CDH15: variants seen among roughly 807,000 people sequenced by gnomAD.
The protein encoded by CDH15 is cadherin-15.
Under a neutral mutation model 69.4 loss-of-function variants are expected in CDH15, and 73 were observed. The observed-to-expected ratio is 1.05, with a 90% CI of 0.87 to 1.28. The LOEUF (loss-of-function observed/expected upper bound fraction) is 1.28, where lower values mean the gene tolerates loss of function less well. CDH15 is among the 50% of genes most tolerant of loss of function. CDH15 has a pLI of 0.00. For synonymous variants in CDH15, 624 were observed against 507.7 expected (o/e 1.23, Z -3.08); for missense variants, 1,343 against 1,133.6 (o/e 1.18, Z -2.65).
chr16:89,188,056 C>T (rs912815326), intron 6 of CDH15, 44 bp from the exon 7 acceptor site: 5 of 1,540,954 alleles, frequency 3.2e-6, no homozygotes, highest in South Asian at 1.2e-5. Context: ...CCCATGCTGT[C>T]CCCCCAGCCC....
At position 89,180,287 on chromosome 16, in the gene CDH15, A is replaced by G. The variant is rs1357936946; in HGVS notation, c.289A>G (p.Ile97Val). 4 of 1,611,532 alleles carry G rather than the reference A, an allele frequency of 2.5e-6. No individual in the cohort carries two copies. The highest frequency in any genetic ancestry group is 3.4e-6 in the Non-Finnish European group (4 of 1,179,102). The part of the protein sequence containing the change: ...VDEEPRGVFS[I>V]DKFTGKVFLN... ...TGAGGAGCCCCGGGGCGTCTTCTCT[A>G]TCGACAAGTTCACAGGGAAGGTCTT... Residue 97 changes from isoleucine (I) to valine (V), a missense_variant, in exon 3 of 14, where the codon ATC becomes GTC. Physicochemically the swap from Ile to Val is conservative, Grantham distance 29. Coordinates refer to ENST00000289746, the MANE Select transcript of CDH15 (RefSeq NM_004933.3).
intron 3 of CDH15, among the ~76,000 whole-genome samples, chr16:89,180,987 T>TTTTTTTTTTTTTTTTTTTTG (rs1567771866): frequency 1.3e-5 from 2 of 149,780 alleles, no homozygotes; most frequent in African/African-American, 4.9e-5. Flanking sequence ...TTTTTTTTTT[T>TTTTTTTTTTTTTTTTTTTTG]GAGATGGAGC....
chr16:89,178,350 G>A (rs1253405921), intron 1 of CDH15, among the ~76,000 whole-genome samples: 1 of 152,192 alleles, frequency 6.6e-6, no homozygotes, highest in African/African-American at 2.4e-5. Flanking sequence ...CTTCCCGTGT[G>A]CATTACAAAC....
At chr16:89,172,436 G>C (rs557089890) in intron 1 of CDH15, among the ~76,000 whole-genome samples, 5 of 152,118 alleles carry the variant, frequency 3.3e-5, no homozygotes, top group Non-Finnish European at 7.4e-5. Context: ...GAGCCAGGTC[G>C]CAACACACGG....
At chr16:89,183,182 CA>C (rs112228543) in intron 3 of CDH15, 888 of 176,826 alleles carry the variant, frequency 5.0e-3, no homozygotes, top group East Asian at 0.011. Context: ...AACTCTATCT[CA>C]AAAAAAAAAA....
chr16:89,181,970 G>A (rs1320528933), intron 3 of CDH15, among the ~76,000 whole-genome samples: 1 of 151,016 alleles, frequency 6.6e-6, no homozygotes, highest in East Asian at 1.9e-4. Context: ...AGAAGAAGAG[G>A]AGGAGGAAGA....
chr16:89,180,068 A>G (rs1915341671), intron 2 of CDH15, 132 bp from the exon 3 acceptor site: 6 of 987,016 alleles, frequency 6.1e-6, no homozygotes, highest in African/African-American at 1.6e-5. Context: ...ATTGGGTACC[A>G]GGATCCGTCC....
intron 1 of CDH15, among the ~76,000 whole-genome samples, chr16:89,177,736 G>A (rs75168719): frequency 0.042 from 6,370 of 152,282 alleles, 432 homozygotes; most frequent in African/African-American, 0.14. Context: ...TGACCGGGGA[G>A]CTCGAGGGTG....
Position 89,183,623 on chromosome 16 carries a change from C to G in CDH15, c.433C>G (p.Gln145Glu), listed in dbSNP as rs1915423084. The change falls in exon 4 of 14, where the codon CAG becomes GAG. Residue 145 changes from glutamine (Q) to glutamate (E), a missense_variant. Physicochemically the swap from Gln to Glu is conservative, Grantham distance 29. Coordinates refer to ENST00000289746, the MANE Select transcript of CDH15 (RefSeq NM_004933.3). ...PTDLEIVVVD[Q>E]NDNRPAFLQE... ...GGACCTGGAGATTGTAGTTGTGGAT[C>G]AGAATGACAACCGGCCAGCCTTCCT... 6.2e-7 allele frequency: 1 copy of G among 1,614,078 alleles called. No individual in the cohort carries two copies. The highest frequency in any genetic ancestry group is 1.3e-5 in the African/African-American group (1 of 75,046).
intron 7 of CDH15, among the ~76,000 whole-genome samples, chr16:89,189,007 C>A (rs1567775125): frequency 7.1e-6 from 1 of 140,174 alleles, no homozygotes; most frequent in Admixed American, 7.2e-5. Flanking sequence ...ACACAGATGC[C>A]CACACACAGG....
At chr16:89,177,123 T>G (rs1422544529) in intron 1 of CDH15, among the ~76,000 whole-genome samples, 2 of 141,146 alleles carry the variant, frequency 1.4e-5, no homozygotes, top group African/African-American at 2.5e-5. Flanking sequence ...CATCTTCCTC[T>G]GTAGCCCCTG....
chr16:89,191,868 G>A lies in CDH15; in HGVS notation c.1589G>A (p.Arg530Gln), dbSNP rs569787938. The change falls in exon 10 of 14, where the codon CGG (arginine) becomes CAG (glutamine). Residue 530 changes from arginine (R) to glutamine (Q), a missense_variant. Physicochemically the swap from Arg to Gln is conservative, Grantham distance 43. Coordinates refer to ENST00000289746, the MANE Select transcript of CDH15 (RefSeq NM_004933.3). ...QLSPRLPELGRNWSLSQVNVS... is the reference protein window; with the variant it reads ...QLSPRLPELGQNWSLSQVNVS... ...AGCCCCAGGCTCCCAGAGCTCGGCC[G>A]GAACTGGAGCCTCAGCCAGGTCAAC... The A allele has an allele frequency of 1.3e-6, 2 of 1,591,520 alleles. No individual in the cohort carries two copies. The highest frequency in any genetic ancestry group is 2.3e-5 in the East Asian group (1 of 44,346).
chr16:89,180,284 T>C lies in CDH15; in HGVS notation c.286T>C (p.Ser96Pro). 6.2e-7 allele frequency: 1 copy of C among 1,611,528 alleles called. No individual in the cohort carries two copies. The highest frequency in any genetic ancestry group is 1.3e-5 in the African/African-American group (1 of 74,966). ...GGATGAGGAGCCCCGGGGCGTCTTC[T>C]CTATCGACAAGTTCACAGGGAAGGT... ...GVDEEPRGVF[S>P]IDKFTGKVFL... is the part of the protein sequence containing the mutation. Residue 96 changes from serine to proline, a missense_variant, in exon 3 of 14, where the codon TCT (serine) becomes CCT (proline). Ser to Pro is a moderately conservative substitution (Grantham distance 74, BLOSUM62 -1). Transcript: ENST00000289746.
intron 3 of CDH15, among the ~76,000 whole-genome samples, chr16:89,182,089 C>G (rs1915390121): frequency 7.8e-6 from 1 of 127,646 alleles, no homozygotes; most frequent in Admixed American, 8.2e-5. Flanking sequence ...CTGCCCTCCC[C>G]CAGCCTCCCC....
intron 3 of CDH15, among the ~76,000 whole-genome samples, chr16:89,182,282 CCCCAGCCTGCCCTCT>C (rs763778065): frequency 3.2e-4 from 27 of 83,956 alleles, no homozygotes; most frequent in Admixed American, 9.6e-4. Flanking sequence ...GCCTCCCCTC[CCCCAGCCTGCCCTCT>C]CCCAGCCTGC....
At chr16:89,173,218 T>C (rs1327325464) in intron 1 of CDH15, among the ~76,000 whole-genome samples, 1 of 152,078 alleles carries the variant, frequency 6.6e-6, no homozygotes. Flanking sequence ...GCTGGGGGGC[T>C]CCATGCCTCC....
chr16:89,174,276 G>A (rs545769090), intron 1 of CDH15, among the ~76,000 whole-genome samples: 32 of 152,360 alleles, frequency 2.1e-4, no homozygotes, highest in South Asian at 1.9e-3. Context: ...ATCCAGGAAC[G>A]GGGTGGCCCC....
chr16:89,187,969 G>A lies in CDH15; in HGVS notation c.793-131G>A. The A allele has an allele frequency of 8.4e-6, 7 of 830,566 alleles. No individual in the cohort carries two copies. The South Asian group carries it at 9.8e-5, about 12-fold the overall frequency. The allele number at this position is 830,566 out of a possible 1,614,324, so 51.4% of individuals were successfully genotyped here. A position where few individuals can be genotyped will look rare whatever the true frequency, so the allele number is the denominator to read the frequency against. Reference sequence around the variant, plus strand: ...TGGGTGGGGAGCAGCTTCGACAGGAGCAAGGGAGGGTGTTCCTGCTGGGAG... The same window carrying A: ...TGGGTGGGGAGCAGCTTCGACAGGAACAAGGGAGGGTGTTCCTGCTGGGAG... On this transcript the variant is annotated intron_variant, in intron 6 of 13. Transcript: ENST00000289746.
In CDH15 at chr16:89,190,231, TC is replaced by T. The variant is rs536761058; in HGVS notation, c.979-10del. On this transcript the variant is annotated splice_polypyrimidine_tract_variant and intron_variant, in intron 7 of 13. Transcript: ENST00000289746. Reference sequence around the variant, plus strand: ...CGTTGGGCGGATGACGGGCTGTGCTTCCTTCCCTCAGGCCCTGGACTATGAG... The same window carrying T: ...CGTTGGGCGGATGACGGGCTGTGCTTCTTCCCTCAGGCCCTGGACTATGAG... 9.5e-5 allele frequency: 153 copies of T among 1,611,322 alleles called. No homozygotes were observed. The African/African-American group carries it at 1.7e-3, about 17-fold the overall frequency.
Sources: allele counts gnomAD v4.1 joint callset (sites outside exome capture counted in the v4.1 genomes callset), GRCh38; gene constraint gnomAD v4.1.1; transcripts MANE v1.5; gene names NCBI Gene and HGNC (gene_info 2026-07-23, HGNC 2026-07-21).